Variants in ARFIP1 observed in about 807,000 individuals in gnomAD.
ARFIP1 encodes arfaptin-1.
Under a neutral mutation model 42.5 loss-of-function variants are expected in ARFIP1, and 24 were observed. That is an observed-to-expected ratio of 0.57 (90% CI 0.41 to 0.80). ARFIP1 has a LOEUF of 0.80. Among genes scored for constraint, ARFIP1 ranks in the 30% least tolerant of loss-of-function variants. ARFIP1 has a pLI of 0.00. For missense variants in ARFIP1, 354 were observed against 434.0 expected (o/e 0.82, Z 1.64); for synonymous variants, 141 against 153.7 (o/e 0.92, Z 0.61).
At position 152,843,605 on chromosome 4, in the gene ARFIP1, G is replaced by A. The variant is rs1275980571; in HGVS notation, c.93+13879G>A. On this transcript the variant is annotated intron_variant, in intron 2 of 8. Coordinates refer to ENST00000353617, the MANE Select transcript of ARFIP1 (RefSeq NM_001025595.3). ...CGAGTCTTGCTGCAGCTGCTCTGGGGGATGGGGGTGAGATTCCCAGGTCAC... is the reference window on the plus strand; with the variant it reads ...CGAGTCTTGCTGCAGCTGCTCTGGGAGATGGGGGTGAGATTCCCAGGTCAC... Among the ~76,000 whole-genome samples, 8 of 152,136 alleles carry A rather than the reference G, an allele frequency of 5.3e-5. No individual in the cohort carries two copies. In the East Asian group the frequency reaches 1.4e-3, roughly 26 times the overall value.
chr4:152,787,179 T>G (rs919055714), intron 1 of ARFIP1, among the ~76,000 whole-genome samples: 8 of 152,180 alleles, frequency 5.3e-5, no homozygotes, highest in African/African-American at 1.9e-4. Flanking sequence ...ATTTCCAAGT[T>G]AATGGTATTA....
chr4:152,814,838 A>G (rs1287206705), intron 1 of ARFIP1, among the ~76,000 whole-genome samples: 1 of 152,268 alleles, frequency 6.6e-6, no homozygotes, highest in East Asian at 1.9e-4. Context: ...TAGGAGACGG[A>G]AAGTTACTTG....
At chr4:152,823,576 C>T (rs1730560721) in intron 1 of ARFIP1, among the ~76,000 whole-genome samples, 2 of 151,856 alleles carry the variant, frequency 1.3e-5, no homozygotes, top group South Asian at 2.1e-4. Flanking sequence ...GTCAGGAGTT[C>T]GAGACCAGCC....
At chr4:152,804,143 C>G (rs182707700) in intron 1 of ARFIP1, among the ~76,000 whole-genome samples, 25,753 of 47,534 alleles carry the variant, frequency 0.54, 4,792 homozygotes, top group East Asian at 0.61. Flanking sequence ...TATAATATAA[C>G]ATGTATTATA....
At chr4:152,804,003 CAT>C (rs1284285751) in intron 1 of ARFIP1, among the ~76,000 whole-genome samples, 4 of 130,138 alleles carry the variant, frequency 3.1e-5, no homozygotes, top group Admixed American at 9.0e-5. Flanking sequence ...TATAATATAA[CAT>C]GTAATATATA....
intron 8 of ARFIP1, among the ~76,000 whole-genome samples, chr4:152,892,634 T>A (rs542304896): frequency 1.4e-4 from 21 of 152,354 alleles, no homozygotes; most frequent in Admixed American, 9.2e-4. Flanking sequence ...CTTTCTTCCG[T>A]ATGGCAAAAG....
chr4:152,906,618 C>G (rs1334674612), intron 8 of ARFIP1, among the ~76,000 whole-genome samples: 1 of 152,210 alleles, frequency 6.6e-6, no homozygotes, highest in African/African-American at 2.4e-5. Flanking sequence ...TAATAGGTCT[C>G]TCTCTACTTC....
At chr4:152,904,909 C>T (rs1409481162) in intron 8 of ARFIP1, among the ~76,000 whole-genome samples, 1 of 152,016 alleles carries the variant, frequency 6.6e-6, no homozygotes, top group Non-Finnish European at 1.5e-5. Flanking sequence ...GGGGTATATA[C>T]CCAGTAATGG....
At chr4:152,796,224 G>T in intron 1 of ARFIP1, 1 of 865,058 alleles carries the variant, frequency 1.2e-6, no homozygotes, top group Non-Finnish European at 1.9e-6. Flanking sequence ...GTTGTATACA[G>T]CGGGAATGAC....
At chr4:152,799,146 T>C (rs1200964824) in intron 1 of ARFIP1, among the ~76,000 whole-genome samples, 2 of 152,230 alleles carry the variant, frequency 1.3e-5, no homozygotes, top group Non-Finnish European at 2.9e-5. Flanking sequence ...GCAGTGTGCA[T>C]TTTTACATTT....
At chr4:152,795,739 A>C (rs1247832515) in intron 1 of ARFIP1, among the ~76,000 whole-genome samples, 1 of 149,240 alleles carries the variant, frequency 6.7e-6, no homozygotes, top group Non-Finnish European at 1.5e-5. Flanking sequence ...ATAGATGAGA[A>C]ATGGTATTTC....
chr4:152,889,955 A>G (rs1035124673), intron 8 of ARFIP1, among the ~76,000 whole-genome samples: 1 of 143,830 alleles, frequency 7.0e-6, no homozygotes, highest in African/African-American at 2.6e-5. Context: ...TATTTTAGTC[A>G]TATATACATA....
At chr4:152,821,326 A>G (rs1010796441) in intron 1 of ARFIP1, among the ~76,000 whole-genome samples, 1 of 152,202 alleles carries the variant, frequency 6.6e-6, no homozygotes, top group Non-Finnish European at 1.5e-5. Context: ...AGCGAAAGAC[A>G]TATTTAGGGA....
In ARFIP1 at chr4:152,898,140, G is replaced by A. The variant is rs1416082131; in HGVS notation, c.966+9833G>A. Among the ~76,000 whole-genome samples, 5 of 151,688 alleles carry A rather than the reference G, an allele frequency of 3.3e-5. No homozygotes were observed. The East Asian group carries it at 9.7e-4, about 29-fold the overall frequency. ...TGGGATTACAGGCGCCCACCACAAC[G>A]CCCAGCTAAGTTTTTGGATTTTTAG... On this transcript the variant is annotated intron_variant, in intron 8 of 8. Transcript: ENST00000353617.
intron 2 of ARFIP1, among the ~76,000 whole-genome samples, chr4:152,841,161 G>C (rs758750545): frequency 6.6e-6 from 1 of 151,594 alleles, no homozygotes; most frequent in Non-Finnish European, 1.5e-5. Flanking sequence ...TCAGCCTCCC[G>C]AGTAGCTGGG....
chr4:152,897,194 A>C (rs1001088394), intron 8 of ARFIP1, among the ~76,000 whole-genome samples: 2 of 152,240 alleles, frequency 1.3e-5, no homozygotes, highest in Admixed American at 1.3e-4. Context: ...TTTTTAAACT[A>C]GACTCATCCA....
chr4:152,782,219 TA>T (rs374369205), intron 1 of ARFIP1, among the ~76,000 whole-genome samples: 6 of 105,564 alleles, frequency 5.7e-5, no homozygotes, highest in African/African-American at 2.2e-4. Flanking sequence ...TGAAAACAGG[TA>T]GGGGTGTGTG....
At chr4:152,824,769 A>G (rs1730681712) in intron 1 of ARFIP1, among the ~76,000 whole-genome samples, 2 of 152,190 alleles carry the variant, frequency 1.3e-5, no homozygotes, top group Admixed American at 1.3e-4. Context: ...CTGTTTGCCA[A>G]TGATTGGATA....
chr4:152,807,660 T>G (rs1257500954), intron 1 of ARFIP1, among the ~76,000 whole-genome samples: 1 of 152,198 alleles, frequency 6.6e-6, no homozygotes, highest in African/African-American at 2.4e-5. Flanking sequence ...CTGTCAGTCA[T>G]TTGTCACATA....
Sources: allele counts gnomAD v4.1 joint callset (sites outside exome capture counted in the v4.1 genomes callset), GRCh38; gene constraint gnomAD v4.1.1; transcripts MANE v1.5; gene names NCBI Gene and HGNC (gene_info 2026-07-23, HGNC 2026-07-21).